The following LTBP1 variants were observed in gnomAD, a reference collection of about 807,000 sequenced individuals.
LTBP1 encodes latent transforming growth factor beta binding protein 1.
A neutral mutation model predicts 207.6 loss-of-function variants in LTBP1; 129 were observed. The observed-to-expected ratio is 0.62, with a 90% CI of 0.54 to 0.72. The LOEUF is 0.72. LTBP1 is among the 30% of genes least tolerant of loss of function. LTBP1 has a pLI of 0.00. For synonymous variants in LTBP1, 963 were observed against 833.7 expected (o/e 1.16, Z -2.67); for missense variants, 2,281 against 2,217.2 (o/e 1.03, Z -0.58).
At chr2:33,352,865 C>G (rs2094800547) in intron 26 of LTBP1, among the ~76,000 whole-genome samples, 1 of 152,110 alleles carries the variant, frequency 6.6e-6, no homozygotes, top group African/African-American at 2.4e-5. Context: ...ACATCCAAGC[C>G]CATGCCCTGC....
chr2:32,960,319 A>G (rs4952325), intron 2 of LTBP1, among the ~76,000 whole-genome samples: 9,551 of 152,216 alleles, frequency 0.063, 548 homozygotes, highest in East Asian at 0.23. Flanking sequence ...TGCTGCTTGA[A>G]TGTGAGCTCT....
At position 33,149,735 on chromosome 2, in the gene LTBP1, AT is replaced by A. The variant is rs376662677; in HGVS notation, c.1201+14783del. Among the ~76,000 whole-genome samples the A allele has an allele frequency of 2.1e-3, 326 of 152,006 alleles. 2 individuals carry two copies. The highest frequency in any genetic ancestry group is 7.6e-3 in the African/African-American group (314 of 41,488). On this transcript the variant is annotated intron_variant, in intron 5 of 33. Coordinates refer to ENST00000404816, the MANE Select transcript of LTBP1 (RefSeq NM_206943.4). ...TGGGAAACCGTTTAGCACAGGAGGC[AT>A]TTTTTTTGCACGTCTCAGAAGTGAT...
At chr2:33,246,945 A>G (rs941664751) in intron 10 of LTBP1, among the ~76,000 whole-genome samples, 1 of 152,210 alleles carries the variant, frequency 6.6e-6, no homozygotes, top group Non-Finnish European at 1.5e-5. Flanking sequence ...AAAGGTGGAA[A>G]TTCGAGGACT....
intron 3 of LTBP1, among the ~76,000 whole-genome samples, chr2:33,060,544 G>T (rs1458616997): frequency 1.3e-5 from 2 of 151,304 alleles, no homozygotes; most frequent in African/African-American, 4.9e-5. Flanking sequence ...GTGTGTGTGT[G>T]TTTGGGGGGG....
intron 4 of LTBP1, among the ~76,000 whole-genome samples, chr2:33,111,584 T>G (rs2080404699): frequency 6.6e-6 from 1 of 152,174 alleles, no homozygotes; most frequent in Non-Finnish European, 1.5e-5. Flanking sequence ...TACTACTGTT[T>G]GGCACTAGTG....
chr2:32,952,083 G>A (rs367641697), intron 2 of LTBP1, among the ~76,000 whole-genome samples: 17 of 152,302 alleles, frequency 1.1e-4, no homozygotes, highest in African/African-American at 3.8e-4. Context: ...AAATTTCTGT[G>A]TAAGAGGTTG....
intron 2 of LTBP1, among the ~76,000 whole-genome samples, chr2:32,949,243 T>C (rs1676743401): frequency 6.6e-6 from 1 of 152,220 alleles, no homozygotes; most frequent in African/African-American, 2.4e-5. Context: ...AAAATTTCCA[T>C]TTGAGGATAT....
intron 25 of LTBP1, among the ~76,000 whole-genome samples, chr2:33,343,649 G>T (rs1272827333): frequency 2.0e-5 from 3 of 152,146 alleles, no homozygotes; most frequent in Non-Finnish European, 4.4e-5. Context: ...ATTGCCAGGA[G>T]CTTCAGTGTC....
At chr2:33,387,114 G>T (rs537325563) in intron 31 of LTBP1, among the ~76,000 whole-genome samples, 1 of 152,210 alleles carries the variant, frequency 6.6e-6, no homozygotes, top group East Asian at 1.9e-4. Flanking sequence ...CCGGCCGACA[G>T]TTTCTTTAAA....
chr2:33,327,071 C>T (rs180955839), intron 24 of LTBP1, among the ~76,000 whole-genome samples: 15 of 152,122 alleles, frequency 9.9e-5, no homozygotes, highest in African/African-American at 3.1e-4. Flanking sequence ...TATTTTTAAA[C>T]GTTTGAAAGG....
chr2:33,280,469 T>G lies in LTBP1; in HGVS notation c.3112+311T>G, dbSNP rs146350283. On this transcript the variant is annotated intron_variant, in intron 19 of 33. Coordinates refer to ENST00000404816, the MANE Select transcript of LTBP1 (RefSeq NM_206943.4). Reference sequence around the variant, plus strand: ...GGAAGAGAGATGGAGAGCAAAACACTTAAAAAGAGAGAAGAAGCATCTACC... The same window carrying G: ...GGAAGAGAGATGGAGAGCAAAACACGTAAAAAGAGAGAAGAAGCATCTACC... Among the ~76,000 whole-genome samples the G allele has an allele frequency of 2.9e-3, 440 of 152,030 alleles. 8 individuals are homozygous for G. The East Asian group carries it at 0.048, about 17-fold the overall frequency.
chr2:33,038,618 A>G (rs183502535), intron 3 of LTBP1, among the ~76,000 whole-genome samples: 1 of 152,338 alleles, frequency 6.6e-6, no homozygotes, highest in Admixed American at 6.5e-5. Flanking sequence ...TTCTCTGGAC[A>G]TCTTATCCTC....
intron 7 of LTBP1, 61 bp downstream of exon 7, chr2:33,188,912 A>G (rs2087517908): frequency 4.6e-6 from 7 of 1,526,310 alleles, no homozygotes; most frequent in South Asian, 2.5e-5. Context: ...CATTTTAACA[A>G]GAAAGCCAGA....
rs538252814 is a variant in LTBP1 at position 33,056,935 on chromosome 2, A to G, written c.863+35729A>G. The stretch of plus-strand genomic sequence containing the variant: ...CAGAGAGCCAGTTGGTCTGTTTTAC[A>G]GAGAGCCGATTGGTCCGTTTTGACA... On this transcript the variant is annotated intron_variant, in intron 3 of 33. Transcript: ENST00000404816. Among the ~76,000 whole-genome samples the G allele has an allele frequency of 5.3e-5, 8 of 152,256 alleles. No individual in the cohort carries two copies. The South Asian group carries it at 1.7e-3, about 32-fold the overall frequency.
At chr2:33,368,933 A>G (rs750337724) in intron 31 of LTBP1, among the ~76,000 whole-genome samples, 1 of 152,206 alleles carries the variant, frequency 6.6e-6, no homozygotes, top group African/African-American at 2.4e-5. Context: ...ACTCAATTTA[A>G]TTGACTAGGT....
At chr2:32,993,119 G>A (rs1167642119) in intron 2 of LTBP1, among the ~76,000 whole-genome samples, 1 of 152,104 alleles carries the variant, frequency 6.6e-6, no homozygotes, top group Non-Finnish European at 1.5e-5. Context: ...GTGAGCCAGG[G>A]AGGTGGAAAA....
At chr2:33,289,555 A>G (rs960284131) in intron 19 of LTBP1, among the ~76,000 whole-genome samples, 1 of 152,136 alleles carries the variant, frequency 6.6e-6, no homozygotes, top group Non-Finnish European at 1.5e-5. Context: ...GTGTGGAGAC[A>G]GGGGCTTGCT....
chr2:32,976,766 C>T (rs1056645924), intron 2 of LTBP1, among the ~76,000 whole-genome samples: 2 of 152,186 alleles, frequency 1.3e-5, no homozygotes, highest in Non-Finnish European at 2.9e-5. Flanking sequence ...GAGGGAGGCA[C>T]ACTCCGGTCC....
intron 3 of LTBP1, among the ~76,000 whole-genome samples, chr2:33,044,253 A>T (rs1335479903): frequency 6.6e-6 from 1 of 151,856 alleles, no homozygotes; most frequent in Non-Finnish European, 1.5e-5. Flanking sequence ...TCCTAATGCT[A>T]TCCCTCCCCT....
Sources: allele counts gnomAD v4.1 joint callset (sites outside exome capture counted in the v4.1 genomes callset), GRCh38; gene constraint gnomAD v4.1.1; transcripts MANE v1.5; gene names NCBI Gene and HGNC (gene_info 2026-07-23, HGNC 2026-07-21).